The following PCDH7 variants were observed in gnomAD, a reference collection of about 807,000 sequenced individuals.
The protein encoded by PCDH7 is protocadherin-7.
A neutral mutation model predicts 58.9 loss-of-function variants in PCDH7; 17 were observed. The observed-to-expected ratio is 0.29, with a 90% CI of 0.20 to 0.43. PCDH7 has a LOEUF of 0.43. PCDH7 is among the 20% of genes least tolerant of loss of function. The pLI is 1.00. For synonymous variants in PCDH7, 664 were observed against 616.4 expected (o/e 1.08, Z -1.14); for missense variants, 1,274 against 1,441.0 (o/e 0.88, Z 1.88).
intron 3 of PCDH7, among the ~76,000 whole-genome samples, chr4:30,953,420 C>G (rs532899905): frequency 6.6e-6 from 1 of 151,862 alleles, no homozygotes; most frequent in Non-Finnish European, 1.5e-5. Context: ...GATTGCAAAT[C>G]TTTTTAGTAT....
intron 3 of PCDH7, among the ~76,000 whole-genome samples, chr4:30,965,570 G>A (rs1748921827): frequency 6.6e-6 from 1 of 151,924 alleles, no homozygotes. Context: ...ATCAAGCAAA[G>A]CAAAAGATTT....
chr4:31,053,621 GC>G (rs1295055182), intron 3 of PCDH7, among the ~76,000 whole-genome samples: 3 of 152,130 alleles, frequency 2.0e-5, no homozygotes, highest in Non-Finnish European at 2.9e-5. Context: ...TTTATCTTCT[GC>G]TGAGTCATCT....
intron 1 of PCDH7, among the ~76,000 whole-genome samples, chr4:30,843,002 A>G (rs2109339881): frequency 6.6e-6 from 1 of 151,836 alleles, no homozygotes; most frequent in East Asian, 1.9e-4. Context: ...CAATGCCGCA[A>G]CCCTAGCAAT....
chr4:31,073,511 T>C (rs779522241), intron 3 of PCDH7, among the ~76,000 whole-genome samples: 3 of 152,184 alleles, frequency 2.0e-5, no homozygotes, highest in Non-Finnish European at 4.4e-5. Context: ...ATTAAAGGGA[T>C]AATAACTCAT....
intron 3 of PCDH7, among the ~76,000 whole-genome samples, chr4:31,016,260 T>G (rs1753590871): frequency 6.6e-6 from 1 of 152,206 alleles, no homozygotes; most frequent in South Asian, 2.1e-4. Flanking sequence ...GTGGACTGTT[T>G]TGACTAAGAA....
chr4:30,805,576 A>C (rs533321484), intron 1 of PCDH7, among the ~76,000 whole-genome samples: 2 of 152,354 alleles, frequency 1.3e-5, no homozygotes, highest in South Asian at 2.1e-4. Flanking sequence ...AAGTAAAATC[A>C]TGGATTATTT....
At chr4:30,989,144 C>A (rs183517908) in intron 3 of PCDH7, among the ~76,000 whole-genome samples, 1 of 145,562 alleles carries the variant, frequency 6.9e-6, no homozygotes, top group Non-Finnish European at 1.6e-5. Flanking sequence ...AATCAAATCA[C>A]AGTTTTTTTT....
Position 31,127,461 on chromosome 4 carries a change from T to C in PCDH7, c.*8-15012T>C, listed in dbSNP as rs556506454. Among the ~76,000 whole-genome samples, 12 of 152,306 alleles carry C rather than the reference T, an allele frequency of 7.9e-5. No individual in the cohort carries two copies. The South Asian group carries it at 2.5e-3, about 32-fold the overall frequency. ...AATGTGTCCTACATCTTAATGTCTA[T>C]ATGACTTTAAGAAGTCACATTAAAT... On this transcript the variant is annotated intron_variant, in intron 3 of 3. Coordinates refer to the PCDH7 transcript ENST00000509759.
intron 1 of PCDH7, among the ~76,000 whole-genome samples, chr4:30,892,938 C>T (rs568456113): frequency 6.6e-6 from 1 of 152,158 alleles, no homozygotes; most frequent in South Asian, 2.1e-4. Context: ...TAGGCCACTT[C>T]CTGTTACCAC....
At chr4:31,072,869 A>G in intron 3 of PCDH7, among the ~76,000 whole-genome samples, 1 of 152,168 alleles carries the variant, frequency 6.6e-6, no homozygotes, top group East Asian at 1.9e-4. Flanking sequence ...AATAAAATAT[A>G]GCAGCTGTGT....
chr4:30,828,245 A>C, intron 1 of PCDH7, among the ~76,000 whole-genome samples: 1 of 139,864 alleles, frequency 7.1e-6, no homozygotes, highest in East Asian at 2.0e-4. Context: ...CCCTTAGTAA[A>C]GGAAAAAAAA....
Position 30,722,465 on chromosome 4 carries a change from G to C in PCDH7, c.1043G>C (p.Gly348Ala). Residue 348 changes from glycine (G) to alanine (A), a missense_variant, in exon 1 of 2, where the codon GGG (glycine) becomes GCG (alanine). Transcript: ENST00000361762. This position sits in a 1 kb window ranked among gnomAD's most constrained non-coding sequence, Gnocchi z 7.6. ...AACGGGCAGATCGAATACGTGTTCG[G>C]GGCGGCCACCGAGTCGGTGAGGCGG... The C allele has an allele frequency of 6.2e-7, 1 of 1,610,190 alleles. No homozygotes were observed. The highest frequency in any genetic ancestry group is 8.5e-7 in the Non-Finnish European group (1 of 1,178,636).
chr4:31,146,646 G>A (rs1390439868), downstream of PCDH7: 1 of 152,070 alleles, frequency 6.6e-6, no homozygotes, highest in Non-Finnish European at 1.5e-5. Flanking sequence ...CACTATGCAC[G>A]CAACTATGCT....
intron 1 of PCDH7, among the ~76,000 whole-genome samples, chr4:30,756,215 C>G (rs759294664): frequency 1.3e-5 from 2 of 152,116 alleles, no homozygotes; most frequent in Non-Finnish European, 2.9e-5. Context: ...CCCTTGGGAA[C>G]CAGTCTGGTT....
intron 3 of PCDH7, among the ~76,000 whole-genome samples, chr4:30,976,533 T>A (rs10155492): frequency 0.016 from 2,320 of 149,360 alleles, 49 homozygotes; most frequent in African/African-American, 0.054. Flanking sequence ...CCCAAGTAAC[T>A]GGGATTACAG....
chr4:31,129,868 T>A (rs1718762708), intron 3 of PCDH7, among the ~76,000 whole-genome samples: 1 of 152,006 alleles, frequency 6.6e-6, no homozygotes, highest in Non-Finnish European at 1.5e-5. Flanking sequence ...CCTCAGGTGA[T>A]CCACCCACCT....
chr4:30,830,525 G>T (rs986247015), intron 1 of PCDH7, among the ~76,000 whole-genome samples: 6 of 151,622 alleles, frequency 4.0e-5, no homozygotes, highest in Non-Finnish European at 4.4e-5. Flanking sequence ...CATCCTTCAC[G>T]CTCCTTTTGC....
chr4:31,039,365 A>G (rs1281350295), intron 3 of PCDH7, among the ~76,000 whole-genome samples: 1 of 152,146 alleles, frequency 6.6e-6, no homozygotes, highest in Non-Finnish European at 1.5e-5. Flanking sequence ...TCTGTTGGGT[A>G]CAGTTTATAG....
At chr4:30,973,453 G>C (rs1466159345) in intron 3 of PCDH7, among the ~76,000 whole-genome samples, 1 of 152,086 alleles carries the variant, frequency 6.6e-6, no homozygotes, top group Non-Finnish European at 1.5e-5. Flanking sequence ...TGCATTTTTG[G>C]AATAAAAGAC....
Sources: allele counts gnomAD v4.1 joint callset (sites outside exome capture counted in the v4.1 genomes callset), GRCh38; gene constraint gnomAD v4.1.1; non-coding constraint Gnocchi (gnomAD v3.1); transcripts MANE v1.5; gene names NCBI Gene and HGNC (gene_info 2026-07-23, HGNC 2026-07-21).